The following DDI2 variants were observed in gnomAD, a reference collection of about 807,000 sequenced individuals.
DDI2 encodes DDI proteasomal shuttling factor 2.
In DDI2, 5 loss-of-function variants were observed where a neutral mutation model predicts 48.1. The observed-to-expected ratio is 0.10, with a 90% CI of 0.05 to 0.22. The LOEUF is 0.22. Ranked by LOEUF, DDI2 falls within the 10% of genes least tolerant of loss-of-function variation. The probability of loss-of-function intolerance (pLI) is 1.00; values close to 1 mark genes in which losing one functional copy is unlikely to be tolerated. For missense variants in DDI2, 285 were observed against 506.2 expected, an observed-to-expected ratio of 0.56 and a Z score of 4.19; for synonymous variants, 205 against 183.6, an observed-to-expected ratio of 1.12 and a Z score of -0.94.
chr1:15,667,738 A>G lies in DDI2; in HGVS notation c.*7948A>G, dbSNP rs1446048376. The G allele has an allele frequency of 2.0e-5, 3 of 152,244 alleles. No individual in the cohort carries two copies. The highest frequency in any genetic ancestry group is 4.4e-5 in the Non-Finnish European group (3 of 68,044). The allele number at this position is 152,244 out of a possible 1,614,324, so 9.4% of individuals were successfully genotyped here. The stretch of plus-strand genomic sequence containing the variant: ...TATATGTTGTAATGCTGAAGCATAC[A>G]GGTAGAATTTCTGGATCGTAACTAC... On this transcript the variant is annotated 3_prime_UTR_variant, in exon 10 of 10. Transcript: ENST00000480945.
At chr1:15,633,898 T>C in intron 4 of DDI2, 1 of 443,622 alleles carries the variant, frequency 2.3e-6, no homozygotes, top group Non-Finnish European at 4.5e-6. Flanking sequence ...ACAAGGCTGG[T>C]TGCATATTAC....
intron 9 of DDI2, 153 bp downstream of exon 9, chr1:15,656,832 G>C (rs1640280631): frequency 9.8e-7 from 1 of 1,024,108 alleles, no homozygotes; most frequent in African/African-American, 1.6e-5. Context: ...TTGTATTTTG[G>C]CATGCATACA....
intron 1 of DDI2, among the ~76,000 whole-genome samples, chr1:15,619,700 G>C (rs1446455976): frequency 6.8e-6 from 1 of 147,292 alleles, no homozygotes; most frequent in African/African-American, 2.5e-5. Flanking sequence ...TGACCTCGTG[G>C]TCTGCCCGCC....
chr1:15,621,955 G>T (rs549480976), intron 1 of DDI2, among the ~76,000 whole-genome samples: 1 of 152,274 alleles, frequency 6.6e-6, no homozygotes, highest in African/African-American at 2.4e-5. Flanking sequence ...GCTATTACAT[G>T]GGGTAGTATA....
chr1:15,646,512 C>A (rs972687755), intron 6 of DDI2, among the ~76,000 whole-genome samples: 1 of 152,030 alleles, frequency 6.6e-6, no homozygotes, highest in Non-Finnish European at 1.5e-5. Flanking sequence ...CATGGTGAAA[C>A]CCTGTCTCTA....
intron 6 of DDI2, 144 bp downstream of exon 6, chr1:15,643,794 G>T (rs751943192): frequency 1.1e-5 from 14 of 1,219,482 alleles, no homozygotes; most frequent in Non-Finnish European, 1.5e-5. Context: ...GTCTGAGCTA[G>T]CAAGCCTAAT....
At chr1:15,629,614 A>G (rs1251877932) in intron 2 of DDI2, among the ~76,000 whole-genome samples, 5 of 145,504 alleles carry the variant, frequency 3.4e-5, no homozygotes, top group African/African-American at 1.3e-4. Context: ...AAAAAAAAAA[A>G]TTCTTTAATC....
At chr1:15,638,529 ACTT>A in intron 5 of DDI2, 95 bp downstream of exon 5, 22 of 788,104 alleles carry the variant, frequency 2.8e-5, no homozygotes, top group South Asian at 8.4e-5. Flanking sequence ...AGATGGCTGT[ACTT>A]TTTTTTTTTT....
At position 15,661,233 on chromosome 1, in the gene DDI2, C is replaced by T. The variant is rs777034689; in HGVS notation, c.*1443C>T. On this transcript the variant is annotated 3_prime_UTR_variant, in exon 10 of 10. Coordinates refer to ENST00000480945, the MANE Select transcript of DDI2 (RefSeq NM_032341.5). ...GGAGTCTAGGTGATGGCCTGTCAAC[C>T]GATAAGGAAGGTGTCCCCAAATCTA... 23 of 1,613,982 alleles carry T rather than the reference C, an allele frequency of 1.4e-5. No homozygotes were observed. The highest frequency in any genetic ancestry group is 4.0e-5 in the African/African-American group (3 of 74,908).
chr1:15,663,216 A>G lies in DDI2; in HGVS notation c.*3426A>G, dbSNP rs1000520418. On this transcript the variant is annotated 3_prime_UTR_variant, in exon 10 of 10. Transcript: ENST00000480945. ...GAGTGATTTCTCAACTTAGTGTTAA[A>G]TGATTTTGTCTGAAGTCTGACTCTT... 5.9e-5 allele frequency: 9 copies of G among 152,224 alleles called. No individual in the cohort carries two copies. Among genetic ancestry groups the G allele is most frequent in the African/African-American group, 1.4e-4 (6 of 41,448 alleles). 9.4% of individuals were successfully genotyped at this position (152,224 alleles called of 1,614,324 possible). A position where few individuals can be genotyped will look rare whatever the true frequency, so the allele number is the denominator to read the frequency against.
chr1:15,618,674 C>G (rs771234836), intron 1 of DDI2, among the ~76,000 whole-genome samples: 3 of 152,226 alleles, frequency 2.0e-5, no homozygotes, highest in Non-Finnish European at 4.4e-5. Flanking sequence ...AAGTAATTCT[C>G]AAAATGCTTT....
At chr1:15,656,341 A>C in intron 8 of DDI2, 1 of 1,218,720 alleles carries the variant, frequency 8.2e-7, no homozygotes, top group Non-Finnish European at 1.1e-6. Flanking sequence ...CCTGTCTCAC[A>C]TTTGCCCGTG....
intron 6 of DDI2, among the ~76,000 whole-genome samples, chr1:15,643,869 G>A (rs1419237304): frequency 1.3e-5 from 2 of 152,132 alleles, no homozygotes; most frequent in African/African-American, 4.8e-5. Flanking sequence ...CAAACAAGTA[G>A]TCTCCTCTAC....
chr1:15,624,375 C>T (rs1639719838), intron 1 of DDI2, among the ~76,000 whole-genome samples: 1 of 152,146 alleles, frequency 6.6e-6, no homozygotes, highest in Non-Finnish European at 1.5e-5. Flanking sequence ...TGGTGATGTA[C>T]TTTTACTGTG....
At chr1:15,636,445 G>C (rs1639929990) in intron 4 of DDI2, among the ~76,000 whole-genome samples, 1 of 149,964 alleles carries the variant, frequency 6.7e-6, no homozygotes. Flanking sequence ...TTGTTTGTTT[G>C]TTTGTTGAAG....
chr1:15,641,073 A>G (rs1214465365), intron 5 of DDI2, among the ~76,000 whole-genome samples: 5 of 152,164 alleles, frequency 3.3e-5, no homozygotes, highest in African/African-American at 1.2e-4. Context: ...TGGAGCCAGG[A>G]TGGGGTGGGA....
Position 15,617,666 on chromosome 1 carries a change from G to T in DDI2, c.-5G>T. On this transcript the variant is annotated 5_prime_UTR_variant, in exon 1 of 10. Transcript: ENST00000480945. ...AGCCGAGCCGAGCCGGGTCGGGCCC[G>T]GGCCATGCTGCTCACCGTGTACTGT... The T allele has an allele frequency of 1.3e-6, 2 of 1,509,252 alleles. No homozygotes were observed. Among genetic ancestry groups the T allele is most frequent in the Non-Finnish European group, 1.8e-6 (2 of 1,123,216 alleles). The allele number at this position is 1,509,252 out of a possible 1,614,324, so 93.5% of individuals were successfully genotyped here.
chr1:15,644,587 GTTTTTTT>G (rs138470671), intron 6 of DDI2, among the ~76,000 whole-genome samples: 23 of 57,808 alleles, frequency 4.0e-4, no homozygotes, highest in African/African-American at 1.8e-3. Flanking sequence ...AGTTTTTTTT[GTTTTTTT>G]TTTTTTTTTT....
At chr1:15,629,963 C>T (rs537322315) in intron 2 of DDI2, among the ~76,000 whole-genome samples, 190 of 152,172 alleles carry the variant, frequency 1.2e-3, no homozygotes, top group Admixed American at 2.4e-3. Flanking sequence ...AACTTCTGAC[C>T]TCAGGTGATC....
Sources: allele counts gnomAD v4.1 joint callset (sites outside exome capture counted in the v4.1 genomes callset), GRCh38; gene constraint gnomAD v4.1.1; transcripts MANE v1.5; gene names NCBI Gene and HGNC (gene_info 2026-07-23, HGNC 2026-07-21).